Variants in MAGI2 observed in about 807,000 individuals in gnomAD.
The protein encoded by MAGI2 is membrane associated guanylate kinase, WW and PDZ domain containing 2.
Under a neutral mutation model 133.3 loss-of-function variants are expected in MAGI2, and 35 were observed. The ratio of observed to expected loss-of-function variants is 0.26; its 90% CI spans 0.20 to 0.35. MAGI2 has a LOEUF of 0.35. MAGI2 is among the 10% of genes least tolerant of loss of function. The pLI is 1.00. For synonymous variants in MAGI2, 729 were observed against 710.6 expected, an observed-to-expected ratio of 1.03 and a Z score of -0.41; for missense variants, 1,636 against 1,863.4, an observed-to-expected ratio of 0.88 and a Z score of 2.25.
chr7:78,076,852 CAAAAAAAAAAAAA>C (rs1242148618), intron 21 of MAGI2, among the ~76,000 whole-genome samples: 1 of 42,548 alleles, frequency 2.4e-5, no homozygotes, highest in African/African-American at 9.5e-5. Context: ...GACTCCGTCT[CAAAAAAAAAAAAA>C]AAAAAAAAAA....
chr7:79,367,103 A>C (rs1842749390), intron 1 of MAGI2, among the ~76,000 whole-genome samples: 1 of 152,236 alleles, frequency 6.6e-6, no homozygotes, highest in Non-Finnish European at 1.5e-5. Context: ...AAGTCAAAAA[A>C]GAGCGTAATG....
intron 2 of MAGI2, among the ~76,000 whole-genome samples, chr7:78,938,432 A>C (rs556536546): frequency 3.3e-5 from 5 of 152,138 alleles, no homozygotes; most frequent in Non-Finnish European, 1.5e-5. Context: ...TGTCCTATCT[A>C]TGATGCATAT....
intron 14 of MAGI2, among the ~76,000 whole-genome samples, chr7:78,169,237 C>A (rs895953659): frequency 6.6e-6 from 1 of 152,168 alleles, no homozygotes; most frequent in African/African-American, 2.4e-5. Context: ...TGCTGTTTAA[C>A]CTATAAACAA....
intron 1 of MAGI2, among the ~76,000 whole-genome samples, chr7:79,063,660 C>G (rs778851866): frequency 1.3e-5 from 2 of 152,036 alleles, no homozygotes; most frequent in South Asian, 4.1e-4. Flanking sequence ...CATACTTTAT[C>G]GCTGAAATCA....
At chr7:79,120,458 T>C (rs1355072459) in intron 1 of MAGI2, among the ~76,000 whole-genome samples, 1 of 152,068 alleles carries the variant, frequency 6.6e-6, no homozygotes, top group African/African-American at 2.4e-5. Context: ...TCACACAATG[T>C]AAACATTCCT....
At chr7:78,407,778 G>C (rs1167105930) in intron 6 of MAGI2, among the ~76,000 whole-genome samples, 2 of 151,964 alleles carry the variant, frequency 1.3e-5, no homozygotes, top group Middle Eastern at 3.2e-3. Context: ...GAAACAAGTA[G>C]GAAGTAAGTC....
At chr7:78,542,794 T>G (rs1477112416) in intron 3 of MAGI2, among the ~76,000 whole-genome samples, 1 of 152,142 alleles carries the variant, frequency 6.6e-6, no homozygotes, top group Non-Finnish European at 1.5e-5. Context: ...AAGTCAAGGA[T>G]TTTGGCAAAG....
chr7:78,397,343 TATA>T (rs1796438663), intron 6 of MAGI2, among the ~76,000 whole-genome samples: 1 of 147,404 alleles, frequency 6.8e-6, no homozygotes, highest in Admixed American at 7.0e-5. Flanking sequence ...AGTAAAAATG[TATA>T]ATATCACATT....
chr7:78,908,396 G>A lies in MAGI2; in HGVS notation c.418+98694C>T, dbSNP rs893632576. ...TTGACAGTAATTCTTAAATACAGCT[G>A]GGTGGTGAACTCTGGGGAGTTGGCC... On this transcript the variant is annotated intron_variant, in intron 2 of 21. Coordinates refer to ENST00000354212, the MANE Select transcript of MAGI2 (RefSeq NM_012301.4). Among the ~76,000 whole-genome samples, 10 of 152,246 alleles carry A rather than the reference G, an allele frequency of 6.6e-5. No homozygotes were observed. In the East Asian group the frequency reaches 1.9e-3, roughly 29 times the overall value.
intron 1 of MAGI2, among the ~76,000 whole-genome samples, chr7:79,024,893 G>T (rs1460636057): frequency 6.6e-6 from 1 of 151,976 alleles, no homozygotes; most frequent in East Asian, 1.9e-4. Flanking sequence ...GAACACTTAT[G>T]CATTGCTGCT....
intron 9 of MAGI2, among the ~76,000 whole-genome samples, chr7:78,259,368 A>T (rs1456666672): frequency 6.6e-6 from 1 of 152,128 alleles, no homozygotes; most frequent in African/African-American, 2.4e-5. Flanking sequence ...ACTTTCCCAA[A>T]CTGGCTTCAA....
chr7:79,390,885 T>C (rs969547597), intron 1 of MAGI2, among the ~76,000 whole-genome samples: 1 of 152,180 alleles, frequency 6.6e-6, no homozygotes, highest in Non-Finnish European at 1.5e-5. Context: ...CTACAGTACA[T>C]TGTGTGACAG....
At chr7:78,899,533 A>C (rs1190812227) in intron 2 of MAGI2, among the ~76,000 whole-genome samples, 4 of 152,298 alleles carry the variant, frequency 2.6e-5, no homozygotes, top group African/African-American at 9.6e-5. Flanking sequence ...TTAGTTTCCT[A>C]ATCTACTAAG....
intron 2 of MAGI2, among the ~76,000 whole-genome samples, chr7:78,971,161 A>G (rs1036989726): frequency 2.0e-5 from 3 of 152,082 alleles, no homozygotes; most frequent in Admixed American, 2.0e-4. Context: ...TTTATCTTGT[A>G]GCTCCTGAAA....
chr7:79,448,269 C>A (rs956247996), intron 1 of MAGI2, among the ~76,000 whole-genome samples: 1 of 151,926 alleles, frequency 6.6e-6, no homozygotes, highest in Non-Finnish European at 1.5e-5. Flanking sequence ...CAAATAAATT[C>A]TTTTCAAATA....
At chr7:78,795,566 A>G (rs1207214496) in intron 2 of MAGI2, among the ~76,000 whole-genome samples, 1 of 152,124 alleles carries the variant, frequency 6.6e-6, no homozygotes, top group Non-Finnish European at 1.5e-5. Flanking sequence ...AAGTGGAAAG[A>G]TATTCCATGC....
intron 6 of MAGI2, among the ~76,000 whole-genome samples, chr7:78,399,368 T>A (rs915344973): frequency 3.9e-5 from 6 of 152,238 alleles, no homozygotes; most frequent in African/African-American, 1.4e-4. Flanking sequence ...AGTGTAGAAA[T>A]CTTCGTGTTA....
At chr7:79,224,441 G>A (rs371287049) in intron 1 of MAGI2, among the ~76,000 whole-genome samples, 2 of 151,720 alleles carry the variant, frequency 1.3e-5, no homozygotes, top group South Asian at 2.1e-4. Flanking sequence ...CAACTTTGTC[G>A]AAATATCACA....
At chr7:78,201,236 G>T in intron 10 of MAGI2, 43 bp from the exon 11 acceptor site, 2 of 1,038,758 alleles carry the variant, frequency 1.9e-6, no homozygotes, top group South Asian at 3.6e-5. Flanking sequence ...AAATATTACC[G>T]ACTGCCACTT....
Sources: gnomAD v4.1 joint callset for allele counts (sites outside exome capture counted in the v4.1 genomes callset) on GRCh38, gnomAD v4.1.1 for gene constraint, MANE v1.5 for transcripts, NCBI Gene and HGNC (gene_info 2026-07-23, HGNC 2026-07-21) for gene names.